KIF14: variants seen among roughly 807,000 people sequenced by gnomAD.
The protein encoded by KIF14 is kinesin-like protein KIF14.
In KIF14, 98 loss-of-function variants were observed where a neutral mutation model predicts 176.2. The ratio of observed to expected loss-of-function variants is 0.56; its 90% CI spans 0.47 to 0.66. KIF14 has a LOEUF of 0.66. Ranked by LOEUF, KIF14 falls within the 30% of genes least tolerant of loss-of-function variation. The pLI, the probability that KIF14 is intolerant of heterozygous loss-of-function variation, is 0.00. For synonymous variants in KIF14, 566 were observed against 632.2 expected (o/e 0.90, Z 1.57); for missense variants, 1,751 against 1,920.4 (o/e 0.91, Z 1.65).
intron 21 of KIF14, among the ~76,000 whole-genome samples, chr1:200,577,949 C>CT (rs1163311791): frequency 2.0e-5 from 3 of 149,242 alleles, no homozygotes; most frequent in East Asian, 3.9e-4. Flanking sequence ...TTTTCCTACA[C>CT]TTTGTTGTTT....
intron 27 of KIF14, 62 bp downstream of exon 27, chr1:200,559,268 C>A: frequency 9.4e-7 from 1 of 1,060,450 alleles, no homozygotes; most frequent in South Asian, 3.1e-5. Flanking sequence ...AATTTGTTGA[C>A]TGAAAAAATC....
intron 13 of KIF14, 42 bp from the exon 14 acceptor site, chr1:200,598,463 T>C (rs200319945): frequency 1.3e-6 from 2 of 1,498,834 alleles, no homozygotes; most frequent in African/African-American, 2.8e-5. Context: ...AATCACAGTA[T>C]GAAATTGTTA....
chr1:200,601,832 C>T (rs1466217333), intron 11 of KIF14, 64 bp downstream of exon 11: 10 of 1,250,140 alleles, frequency 8.0e-6, no homozygotes, highest in Non-Finnish European at 1.0e-5. Context: ...TATTTTAAGA[C>T]TGCAACTAAT....
At chr1:200,601,249 T>C (rs1214520084) in intron 11 of KIF14, among the ~76,000 whole-genome samples, 1 of 152,160 alleles carries the variant, frequency 6.6e-6, no homozygotes, top group Non-Finnish European at 1.5e-5. Context: ...AGGGAAAGGA[T>C]GGACCAGGAT....
At chr1:200,609,441 G>C (rs1476495654) in intron 4 of KIF14, among the ~76,000 whole-genome samples, 4 of 152,180 alleles carry the variant, frequency 2.6e-5, no homozygotes, top group Admixed American at 6.5e-5. Context: ...TTGAGGTCAG[G>C]AGTTCAAGAA....
chr1:200,553,300 C>T lies in KIF14; in HGVS notation c.*88G>A. ...TTTTTTGAAATATCTGTGCTGATTT[C>T]TCTTAAACTCTCCTGCATAAAGAAA... On this transcript the variant is annotated 3_prime_UTR_variant, in exon 30 of 30. Coordinates refer to ENST00000367350, the MANE Select transcript of KIF14 (RefSeq NM_014875.3). 7.4e-7 allele frequency: 1 copy of T among 1,342,938 alleles called. No homozygotes were observed. Among genetic ancestry groups the T allele is most frequent in the South Asian group, 1.5e-5 (1 of 65,918 alleles). 83.2% of individuals were successfully genotyped at this position (1,342,938 alleles called of 1,614,324 possible).
chr1:200,562,640 C>G (rs1657224678), intron 25 of KIF14, among the ~76,000 whole-genome samples: 1 of 152,172 alleles, frequency 6.6e-6, no homozygotes, highest in African/African-American at 2.4e-5. Flanking sequence ...TTTCTAGGCT[C>G]AAACTTAAGT....
chr1:200,589,671 CTTTTTT>C (rs1204882989), intron 17 of KIF14, among the ~76,000 whole-genome samples: 2 of 76,560 alleles, frequency 2.6e-5, no homozygotes, highest in Non-Finnish European at 4.7e-5. Flanking sequence ...CAACTTTTTT[CTTTTTT>C]TTTTTTTTTT....
chr1:200,561,240 A>AAAG lies in KIF14; in HGVS notation c.4072-361_4072-360insCTT, dbSNP rs1402895359. On this transcript the variant is annotated intron_variant, in intron 25 of 29. Transcript: ENST00000367350. ...GTAAGACTCCATCTTAAAAAAAAAA[A>AAAG]AAAAGAAAAAGAAAAATGTCCCGGA... Among the ~76,000 whole-genome samples the AAAG allele has an allele frequency of 1.1e-4, 16 of 144,852 alleles. 1 individual carries two copies. Among genetic ancestry groups the AAAG allele is most frequent in the Middle Eastern group, 4.0e-3 (1 of 248 alleles).
Position 200,589,256 on chromosome 1 carries a change from G to C in KIF14, c.3075C>G (p.Asn1025Lys), listed in dbSNP as rs1658915255. Residue 1025 changes from asparagine (N) to lysine (K), a missense_variant, in exon 18 of 30, where the codon AAC (asparagine) becomes AAG (lysine). Coordinates refer to ENST00000367350, the MANE Select transcript of KIF14 (RefSeq NM_014875.3). ...KQHLEQEIYV[N>K]KKRLEMETLA... ...ATGTTTCCATTTCTAATCGCTTTTT[G>C]TTGACATATATTTCCTGTTCAAGAT... 1 of 1,607,408 alleles carries C rather than the reference G, an allele frequency of 6.2e-7. No individual in the cohort carries two copies. The highest frequency in any genetic ancestry group is 8.5e-7 in the Non-Finnish European group (1 of 1,176,220).
At chr1:200,606,658 A>G (rs1659895888) in intron 6 of KIF14, 88 bp downstream of exon 6, 4 of 1,167,500 alleles carry the variant, frequency 3.4e-6, no homozygotes, top group Non-Finnish European at 5.1e-6. Flanking sequence ...AGGAAGGCCA[A>G]TGAGAATACA....
At chr1:200,558,425 T>C (rs1042456437) in intron 27 of KIF14, among the ~76,000 whole-genome samples, 1 of 152,210 alleles carries the variant, frequency 6.6e-6, no homozygotes, top group Non-Finnish European at 1.5e-5. Context: ...TTATGTAGCA[T>C]GTTGAGTTTT....
chr1:200,577,985 A>C (rs1384466943), intron 21 of KIF14, among the ~76,000 whole-genome samples: 1 of 150,534 alleles, frequency 6.6e-6, no homozygotes, highest in Non-Finnish European at 1.5e-5. Context: ...CAGTTTGTTG[A>C]TGAACGTTTC....
chr1:200,578,907 T>C lies in KIF14; in HGVS notation c.3465+1347A>G, dbSNP rs547604456. Among the ~76,000 whole-genome samples, 144 of 151,612 alleles carry C rather than the reference T, an allele frequency of 9.5e-4. 1 individual carries two copies. The East Asian group carries it at 0.014, about 15-fold the overall frequency. On this transcript the variant is annotated intron_variant, in intron 21 of 29. Coordinates refer to ENST00000367350, the MANE Select transcript of KIF14 (RefSeq NM_014875.3). ...GAGATCGAGACCATCCTGGCTAACA[T>C]GGTGAAACCCCGTCTCTACTAAAAA...
chr1:200,565,109 T>G lies in KIF14; in HGVS notation c.4031A>C (p.Glu1344Ala). The change falls in exon 25 of 30, where the codon GAA (glutamate) becomes GCA (alanine). Residue 1344 changes from glutamate to alanine, a missense_variant. Coordinates refer to ENST00000367350, the MANE Select transcript of KIF14 (RefSeq NM_014875.3). ...IARLEDELRQ[E>A]VKKLGGYLQL... ...TAAGTAGCCTCCCAGTTTTTTAACTTCTTGTCTCAACTCATCCTCAAGTCT... is the reference window on the plus strand; with the variant it reads ...TAAGTAGCCTCCCAGTTTTTTAACTGCTTGTCTCAACTCATCCTCAAGTCT... The G allele has an allele frequency of 6.2e-7, 1 of 1,612,292 alleles. No individual in the cohort carries two copies. Among genetic ancestry groups the G allele is most frequent in the Non-Finnish European group, 8.5e-7 (1 of 1,179,510 alleles).
At chr1:200,589,112 C>A in intron 18 of KIF14, 105 bp downstream of exon 18, 1 of 855,384 alleles carries the variant, frequency 1.2e-6, no homozygotes, top group Non-Finnish European at 1.8e-6. Flanking sequence ...CATCTACAAA[C>A]CTGGATTTGG....
At chr1:200,606,649 G>A (rs1659895459) in intron 6 of KIF14, 97 bp downstream of exon 6, 7 of 1,074,062 alleles carry the variant, frequency 6.5e-6, no homozygotes, top group Admixed American at 1.7e-5. Context: ...TTCAAAGTTA[G>A]GAAGGCCAAT....
chr1:200,595,931 C>CCAA (rs1281003251), intron 14 of KIF14, among the ~76,000 whole-genome samples: 1 of 117,488 alleles, frequency 8.5e-6, no homozygotes, highest in Non-Finnish European at 1.7e-5. Flanking sequence ...GACTCCATCT[C>CCAA]CAAAAAAAAA....
chr1:200,566,977 C>T (rs1454851023), intron 23 of KIF14, among the ~76,000 whole-genome samples: 1 of 150,754 alleles, frequency 6.6e-6, no homozygotes, highest in Non-Finnish European at 1.5e-5. Context: ...GAGTTCAAGA[C>T]CAGCCTGGCC....
Sources: allele counts gnomAD v4.1 joint callset (sites outside exome capture counted in the v4.1 genomes callset), GRCh38; gene constraint gnomAD v4.1.1; transcripts MANE v1.5; gene names NCBI Gene and HGNC (gene_info 2026-07-23, HGNC 2026-07-21).